Variants in EIF4A3 observed in about 807,000 individuals in gnomAD.
The protein encoded by EIF4A3 is eukaryotic initiation factor 4A-III.
EIF4A3 carries 1 observed loss-of-function variant against 55.6 expected under a neutral mutation model. That is an observed-to-expected ratio of 0.02 (90% CI 0.01 to 0.09). EIF4A3 has a LOEUF of 0.09. EIF4A3 is among the 10% of genes least tolerant of loss of function. The pLI is 1.00. For synonymous variants in EIF4A3, 194 were observed against 196.3 expected (o/e 0.99, Z 0.10); for missense variants, 221 against 540.7 (o/e 0.41, Z 5.86).
At chr17:80,138,496 C>T (rs2039591769) in intron 7 of EIF4A3, 1 of 549,546 alleles carries the variant, frequency 1.8e-6, no homozygotes, top group Non-Finnish European at 3.2e-6. Flanking sequence ...ATGTGCACCA[C>T]ATGGAATACG....
chr17:80,144,282 G>C, intron 1 of EIF4A3, 38 bp from the exon 2 acceptor site: 3 of 1,598,902 alleles, frequency 1.9e-6, no homozygotes, highest in Non-Finnish European at 2.6e-6. Flanking sequence ...TCACCACAAT[G>C]ACAGCATAGA....
At chr17:80,146,650 C>T in intron 1 of EIF4A3, 143 bp downstream of exon 1, 1 of 988,010 alleles carries the variant, frequency 1.0e-6, no homozygotes, top group Non-Finnish European at 1.4e-6. Flanking sequence ...GGGTGGGGGT[C>T]GGACGTCACT....
chr17:80,135,829 A>G, intron 11 of EIF4A3, 175 bp downstream of exon 11: 3 of 750,868 alleles, frequency 4.0e-6, no homozygotes, highest in Non-Finnish European at 6.4e-6. Flanking sequence ...CAGGAGGCAG[A>G]GGTTGCAGTG....
At chr17:80,137,596 C>T in intron 8 of EIF4A3, 95 bp from the exon 9 acceptor site, 1 of 925,874 alleles carries the variant, frequency 1.1e-6, no homozygotes, top group Non-Finnish European at 1.7e-6. Flanking sequence ...GAACCAGTAT[C>T]AATATTCGTA....
At chr17:80,137,647 G>A (rs1227315354) in intron 8 of EIF4A3, 146 bp from the exon 9 acceptor site, 7 of 661,694 alleles carry the variant, frequency 1.1e-5, no homozygotes, top group African/African-American at 3.7e-5. Flanking sequence ...CTAACTGGAT[G>A]TAAAAACTTT....
In EIF4A3 at chr17:80,137,404, T is replaced by C; in HGVS notation, c.965A>G (p.Glu322Gly). 2 of 1,613,840 alleles carry C rather than the reference T, an allele frequency of 1.2e-6. No homozygotes were observed. Among genetic ancestry groups the C allele is most frequent in the Non-Finnish European group, 1.7e-6 (2 of 1,179,904 alleles). Residue 322 changes from glutamate to glycine, a missense_variant, in exon 9 of 12, where the codon GAG (glutamate) becomes GGG (glycine). Glu to Gly is a moderately conservative substitution (Grantham distance 98). Transcript: ENST00000649764. ...GACCCACCTGGCGCCCGACCGGAACTCCTTCATGATGGACTCCCGCTCTTT... is the reference window on the plus strand; with the variant it reads ...GACCCACCTGGCGCCCGACCGGAACCCCTTCATGATGGACTCCCGCTCTTT... ...PQKERESIMK[E>G]FRSGASRVLI...
intron 4 of EIF4A3, among the ~76,000 whole-genome samples, chr17:80,140,995 C>T (rs913360108): frequency 2.6e-5 from 4 of 152,100 alleles, no homozygotes; most frequent in African/African-American, 9.7e-5. Flanking sequence ...CAGGGTTTCA[C>T]TATGTTGACC....
chr17:80,135,712 A>G (rs897058948), intron 11 of EIF4A3: 2 of 615,064 alleles, frequency 3.3e-6, no homozygotes, highest in South Asian at 2.1e-5. Flanking sequence ...CCTGGCCAAC[A>G]TGGTGAAACC....
chr17:80,141,669 T>A lies in EIF4A3; in HGVS notation c.309+113A>T, dbSNP rs901891017. 33 of 1,088,432 alleles carry A rather than the reference T, an allele frequency of 3.0e-5. No individual in the cohort carries two copies. The African/African-American group carries it at 4.9e-4, about 16-fold the overall frequency. The allele number at this position is 1,088,432 out of a possible 1,614,324, so 67.4% of individuals were successfully genotyped here. A position where few individuals can be genotyped will look rare whatever the true frequency, so the allele number is the denominator to read the frequency against. On this transcript the variant is annotated intron_variant, in intron 3 of 11. Coordinates refer to ENST00000649764, the MANE Select transcript of EIF4A3 (RefSeq NM_014740.4). ...AGACTCTGTGTAAAAATTTGCTGAG[T>A]CAATACATACTAGAAAATTTTAAAT...
intron 8 of EIF4A3, chr17:80,137,748 T>A: frequency 1.0e-5 from 5 of 497,724 alleles, no homozygotes; most frequent in Non-Finnish European, 1.8e-5. Flanking sequence ...CCAGGTGTGC[T>A]CATTCTCATT....
Position 80,140,008 on chromosome 17 carries a change from CA to C in EIF4A3, c.504del (p.Phe168LeufsTer3). The C allele has an allele frequency of 1.2e-6, 2 of 1,608,122 alleles. No individual in the cohort carries two copies. The highest frequency in any genetic ancestry group is 1.7e-6 in the Non-Finnish European group (2 of 1,177,796). On this transcript the variant is annotated frameshift_variant and splice_region_variant, in exon 5 of 12. Transcript: ENST00000649764. LOFTEE classifies it high-confidence loss of function. ...CATTTTTAGCGACAAAAGTGCTTACCAAAAACACGCCCTGGAGTGCCCGCGA... is the reference window on the plus strand; with the variant it reads ...CATTTTTAGCGACAAAAGTGCTTACCAAAACACGCCCTGGAGTGCCCGCGA... ...HVVAGTPGRV[F>X]DMIRRRSLRT...
Position 80,138,854 on chromosome 17 carries a change from T to C in EIF4A3, c.728+167A>G, listed in dbSNP as rs1308462784. Reference sequence around the variant, plus strand: ...GAATTTTAAAAGAATTTGCATGCTTTCAATTCCTTTACACTCAGGCAAGAG... The same window carrying C: ...GAATTTTAAAAGAATTTGCATGCTTCCAATTCCTTTACACTCAGGCAAGAG... On this transcript the variant is annotated intron_variant, in intron 7 of 11. Transcript: ENST00000649764. 27 of 886,706 alleles carry C rather than the reference T, an allele frequency of 3.0e-5. No homozygotes were observed. In the East Asian group the frequency reaches 6.4e-4, roughly 21 times the overall value. The allele number at this position is 886,706 out of a possible 1,614,324, so 54.9% of individuals were successfully genotyped here.
Position 80,136,278 on chromosome 17 carries a change from G to T in EIF4A3, c.1041C>A (p.Ser347=). The T allele has an allele frequency of 6.2e-7, 1 of 1,613,970 alleles. No homozygotes were observed. The highest frequency in any genetic ancestry group is 8.5e-7 in the Non-Finnish European group (1 of 1,179,966). ...WARGLDVPQV[S]LIINYDLPNN... ...TAGGGAGATCATAGTTAATGATGAG[G>T]GACACCTGAGGGACATCCAACCCCC... The change falls in exon 10 of 12, where the codon TCC becomes TCA. Residue 347 remains serine (S), a synonymous_variant. Transcript: ENST00000649764.
chr17:80,137,320 CAT>C, intron 9 of EIF4A3, 64 bp downstream of exon 9: 1 of 1,415,148 alleles, frequency 7.1e-7, no homozygotes, highest in Non-Finnish European at 9.8e-7. Context: ...TTAGGCGGTA[CAT>C]ATGAAGTGCT....
At chr17:80,143,332 C>A (rs2039632726) in intron 2 of EIF4A3, among the ~76,000 whole-genome samples, 1 of 152,194 alleles carries the variant, frequency 6.6e-6, no homozygotes, top group Non-Finnish European at 1.5e-5. Context: ...CTTTGAGCTG[C>A]TGTTCCAGCA....
intron 2 of EIF4A3, among the ~76,000 whole-genome samples, chr17:80,142,726 CGA>C (rs2039628272): frequency 1.3e-5 from 2 of 151,952 alleles, no homozygotes; most frequent in African/African-American, 4.8e-5. Flanking sequence ...GCCTGGGTGA[CGA>C]AGTGAGGCCC....
intron 7 of EIF4A3, 164 bp from the exon 8 acceptor site, chr17:80,138,444 G>T: frequency 1.5e-6 from 1 of 680,218 alleles, no homozygotes; most frequent in Non-Finnish European, 2.5e-6. Flanking sequence ...CACCACTTCC[G>T]TCACACAGGC....
chr17:80,141,408 G>C (rs746004605), intron 3 of EIF4A3, 27 bp from the exon 4 acceptor site: 2 of 1,608,370 alleles, frequency 1.2e-6, no homozygotes, highest in Non-Finnish European at 1.7e-6. Context: ...TCAGAAAATA[G>C]AGAATCCGCA....
Position 80,141,126 on chromosome 17 carries a change from A to G in EIF4A3, c.372+193T>C, listed in dbSNP as rs543044531. ...AAGGCTGTAAAAAACTACCGAGAGC[A>G]CACAAGCCACACCAAAAATGACTTA... On this transcript the variant is annotated intron_variant, in intron 4 of 11. Coordinates refer to ENST00000649764, the MANE Select transcript of EIF4A3 (RefSeq NM_014740.4). Among the ~76,000 whole-genome samples, 25 of 152,354 alleles carry G rather than the reference A, an allele frequency of 1.6e-4. No individual in the cohort carries two copies. In the East Asian group the frequency reaches 3.8e-3, roughly 23 times the overall value.
Sources: gnomAD v4.1 joint callset for allele counts (sites outside exome capture counted in the v4.1 genomes callset) on GRCh38, gnomAD v4.1.1 for gene constraint, MANE v1.5 for transcripts, NCBI Gene and HGNC (gene_info 2026-07-23, HGNC 2026-07-21) for gene names.